The following NRXN3 variants were observed in gnomAD, a reference collection of about 807,000 sequenced individuals.
NRXN3 encodes neurexin III.
NRXN3 carries 32 observed loss-of-function variants against 137.6 expected under a neutral mutation model. The observed-to-expected ratio is 0.23, with a 90% CI of 0.18 to 0.31. The LOEUF (loss-of-function observed/expected upper bound fraction) is 0.31, where lower values mean the gene tolerates loss of function less well. Among genes scored for constraint, NRXN3 ranks in the 10% least tolerant of loss-of-function variants. NRXN3 has a pLI of 1.00. For missense variants in NRXN3, 1,574 were observed against 2,062.5 expected, an observed-to-expected ratio of 0.76 and a Z score of 4.59; for synonymous variants, 798 against 784.5, an observed-to-expected ratio of 1.02 and a Z score of -0.29.
chr14:78,480,740 A>G (rs1227432550), intron 4 of NRXN3, among the ~76,000 whole-genome samples: 1 of 152,154 alleles, frequency 6.6e-6, no homozygotes, highest in East Asian at 1.9e-4. Context: ...CATATTGTGC[A>G]GCTTTTTTTG....
intron 16 of NRXN3, among the ~76,000 whole-genome samples, chr14:79,643,606 C>T (rs1299684853): frequency 2.2e-5 from 3 of 135,322 alleles, no homozygotes; most frequent in African/African-American, 7.4e-5. Context: ...CTTTTTTTAT[C>T]CAGTAAAATT....
chr14:78,466,829 G>A (rs1175334031), intron 4 of NRXN3, among the ~76,000 whole-genome samples: 1 of 152,100 alleles, frequency 6.6e-6, no homozygotes, highest in Non-Finnish European at 1.5e-5. Context: ...GTGAACATGA[G>A]GATAGAACAA....
intron 4 of NRXN3, among the ~76,000 whole-genome samples, chr14:78,457,050 C>A (rs537367755): frequency 2.3e-4 from 34 of 148,940 alleles, no homozygotes; most frequent in Admixed American, 4.1e-4. Flanking sequence ...TCTCCCCCGC[C>A]ACCTCCTCTT....
intron 19 of NRXN3, among the ~76,000 whole-genome samples, chr14:79,802,965 G>A (rs1437767976): frequency 6.6e-6 from 1 of 152,060 alleles, no homozygotes; most frequent in Non-Finnish European, 1.5e-5. Context: ...GGGCTGATAG[G>A]CGCAGCAAAC....
chr14:78,387,096 T>G (rs1185407819), intron 4 of NRXN3, among the ~76,000 whole-genome samples: 1 of 152,076 alleles, frequency 6.6e-6, no homozygotes, highest in African/African-American at 2.4e-5. Context: ...TTAATATTGT[T>G]TTTGAGGTTA....
chr14:79,070,249 A>T (rs904467915), intron 15 of NRXN3, among the ~76,000 whole-genome samples: 4 of 152,218 alleles, frequency 2.6e-5, no homozygotes, highest in African/African-American at 9.6e-5. Flanking sequence ...ATGTGATTCT[A>T]TTATGAAACA....
At chr14:78,383,988 GAA>G (rs771468366) in intron 4 of NRXN3, among the ~76,000 whole-genome samples, 31 of 152,184 alleles carry the variant, frequency 2.0e-4, no homozygotes, top group Non-Finnish European at 3.7e-4. Context: ...GTGGCACAGA[GAA>G]AAGAGGAGTT....
intron 1 of NRXN3, among the ~76,000 whole-genome samples, chr14:78,183,971 C>CT (rs1242758672): frequency 1.3e-5 from 2 of 152,044 alleles, no homozygotes; most frequent in African/African-American, 4.8e-5. Context: ...TCACTTTTTT[C>CT]TTTTTTTGTA....
chr14:78,829,094 G>A (rs779486701), intron 10 of NRXN3, among the ~76,000 whole-genome samples: 22 of 152,246 alleles, frequency 1.4e-4, no homozygotes, highest in Non-Finnish European at 2.8e-4. Flanking sequence ...TGGTGTGTTT[G>A]AGGAATAGGA....
intron 11 of NRXN3, among the ~76,000 whole-genome samples, chr14:78,958,145 A>C (rs2099400448): frequency 6.6e-6 from 1 of 152,108 alleles, no homozygotes; most frequent in East Asian, 1.9e-4. Context: ...AACAGGACCA[A>C]AATATATAAT....
At chr14:78,922,600 A>G (rs2099273882) in intron 10 of NRXN3, among the ~76,000 whole-genome samples, 1 of 152,242 alleles carries the variant, frequency 6.6e-6, no homozygotes, top group African/African-American at 2.4e-5. Context: ...CTTCAGGAAC[A>G]GAAAACCAAA....
chr14:78,501,991 T>C (rs1205554868), intron 4 of NRXN3, among the ~76,000 whole-genome samples: 2 of 152,092 alleles, frequency 1.3e-5, no homozygotes, highest in Non-Finnish European at 2.9e-5. Flanking sequence ...ATAACAGAAC[T>C]ATAACAGAAC....
At chr14:79,813,940 G>A (rs1466388933) in intron 20 of NRXN3, among the ~76,000 whole-genome samples, 2 of 152,178 alleles carry the variant, frequency 1.3e-5, no homozygotes, top group Non-Finnish European at 2.9e-5. Flanking sequence ...AATATTTGTT[G>A]TATCTTTTAT....
chr14:79,768,268 A>G (rs2099063395), intron 19 of NRXN3, among the ~76,000 whole-genome samples: 2 of 152,222 alleles, frequency 1.3e-5, no homozygotes, highest in Admixed American at 1.3e-4. Context: ...GGTGGAGCCC[A>G]CCACAGCTCA....
chr14:79,215,987 A>T (rs2068442197), intron 15 of NRXN3, among the ~76,000 whole-genome samples: 1 of 152,198 alleles, frequency 6.6e-6, no homozygotes, highest in Non-Finnish European at 1.5e-5. Context: ...TAAATATTTT[A>T]TGATGTCATA....
chr14:78,243,691 G>A lies in NRXN3; in HGVS notation c.598G>A (p.Gly200Arg). ...GSRGVQMDAE[G>R]PCGERPCENG... ...CCGGGGTGTCCAGATGGATGCCGAG[G>A]GACCCTGTGGTGAGCGTCCCTGTGA... Residue 200 changes from glycine to arginine, a missense_variant, in exon 2 of 21, where the codon GGA (glycine) becomes AGA (arginine). This residue lies in a region of NRXN3 where 400 missense variants were observed against 527.3 expected (regional missense o/e 0.76). Coordinates refer to ENST00000335750, the MANE Select transcript of NRXN3 (RefSeq NM_001330195.2). This position sits in a 1 kb window ranked among gnomAD's most constrained non-coding sequence, Gnocchi z 4.2. 1 of 1,598,392 alleles carries A rather than the reference G, an allele frequency of 6.3e-7. No homozygotes were observed. The highest frequency in any genetic ancestry group is 8.5e-7 in the Non-Finnish European group (1 of 1,179,800).
At chr14:78,254,839 C>G (rs1413303168) in intron 2 of NRXN3, among the ~76,000 whole-genome samples, 1 of 151,840 alleles carries the variant, frequency 6.6e-6, no homozygotes, top group Non-Finnish European at 1.5e-5. Context: ...TTTTTCTTTT[C>G]TTTTCTTTCT....
intron 2 of NRXN3, among the ~76,000 whole-genome samples, chr14:78,245,491 T>A (rs1479297201): frequency 6.6e-6 from 1 of 152,194 alleles, no homozygotes; most frequent in Admixed American, 6.5e-5. Context: ...TCCCAAGATC[T>A]CTTCATTCAG....
At chr14:78,661,716 C>G (rs2097843221) in intron 6 of NRXN3, among the ~76,000 whole-genome samples, 1 of 152,226 alleles carries the variant, frequency 6.6e-6, no homozygotes, top group Admixed American at 6.5e-5. Flanking sequence ...CAAAGCCTAA[C>G]TCTACTCCCA....
Sources: allele counts gnomAD v4.1 joint callset (sites outside exome capture counted in the v4.1 genomes callset), GRCh38; gene constraint gnomAD v4.1.1; regional missense constraint gnomAD v4.1.1; non-coding constraint Gnocchi (gnomAD v3.1); transcripts MANE v1.5; gene names NCBI Gene and HGNC (gene_info 2026-07-23, HGNC 2026-07-21).